The following CYP2J2 variants were observed in gnomAD, a reference collection of about 807,000 sequenced individuals.
CYP2J2 encodes the protein cytochrome P450 2J2.
Under a neutral mutation model 48.8 loss-of-function variants are expected in CYP2J2, and 41 were observed. The ratio of observed to expected loss-of-function variants is 0.84; its 90% CI spans 0.66 to 1.09. The LOEUF (loss-of-function observed/expected upper bound fraction) is 1.09, where lower values mean the gene tolerates loss of function less well. CYP2J2 is among the 50% of genes least tolerant of loss of function. The pLI is 0.00. For synonymous variants in CYP2J2, 221 were observed against 227.1 expected (o/e 0.97, Z 0.24); for missense variants, 644 against 617.3 (o/e 1.04, Z -0.46).
At position 59,907,873 on chromosome 1, in the gene CYP2J2, G is replaced by A. The variant is rs1401796941; in HGVS notation, c.916C>T (p.Leu306=). The part of the protein sequence containing the change: ...FHEENLICST[L]DLFFAGTETT... ...TCGGTTCCGGCAAAGAAGAGGTCCA[G>A]GGTGCTGCAGATGAGGTTTTCTTCA... is the stretch of plus-strand genomic sequence containing the variant. Residue 306 remains leucine, a synonymous_variant, in exon 6 of 9, where the codon CTG becomes TTG. Coordinates refer to ENST00000371204, the MANE Select transcript of CYP2J2 (RefSeq NM_000775.4). 1 of 1,613,954 alleles carries A rather than the reference G, an allele frequency of 6.2e-7. No homozygotes were observed. Among genetic ancestry groups the A allele is most frequent in the Non-Finnish European group, 8.5e-7 (1 of 1,179,958 alleles).
At chr1:59,968,387 C>T in the CYP2J2 span, among the ~76,000 whole-genome samples, 1 of 152,266 alleles carries the variant, frequency 6.6e-6, no homozygotes, top group South Asian at 2.1e-4. Flanking sequence ...CACCATTCCC[C>T]TCTTGGTCCC....
the CYP2J2 span, among the ~76,000 whole-genome samples, chr1:59,962,446 C>A: frequency 6.6e-6 from 1 of 152,074 alleles, no homozygotes; most frequent in African/African-American, 2.4e-5. Flanking sequence ...GAAAAAAATT[C>A]TTTTGGTTTA....
chr1:59,941,606 A>G, the CYP2J2 span, among the ~76,000 whole-genome samples: 1 of 152,328 alleles, frequency 6.6e-6, no homozygotes, highest in Non-Finnish European at 1.5e-5. Flanking sequence ...CACTGTTATC[A>G]TAAGAGGTGC....
chr1:59,937,763 GTTCTT>G, the CYP2J2 span, among the ~76,000 whole-genome samples: 3 of 151,600 alleles, frequency 2.0e-5, no homozygotes, highest in Non-Finnish European at 4.4e-5. Flanking sequence ...TTTATTCTTC[GTTCTT>G]TTGTTTCTTC....
At chr1:59,963,566 T>C in the CYP2J2 span, among the ~76,000 whole-genome samples, 1 of 152,196 alleles carries the variant, frequency 6.6e-6, no homozygotes, top group Non-Finnish European at 1.5e-5. Context: ...ATATACTACA[T>C]TGTGTTGGTC....
chr1:59,921,933 T>C (rs2102138138), intron 1 of CYP2J2, among the ~76,000 whole-genome samples: 1 of 152,290 alleles, frequency 6.6e-6, no homozygotes, highest in South Asian at 2.1e-4. Flanking sequence ...AATTACTTCA[T>C]CCCCATGTGA....
At chr1:59,932,000 G>C in the CYP2J2 span, among the ~76,000 whole-genome samples, 9 of 152,178 alleles carry the variant, frequency 5.9e-5, no homozygotes, top group East Asian at 1.2e-3. Context: ...TAAGGATTTA[G>C]TTTAAACATT....
chr1:59,922,687 G>A (rs1302245282), intron 1 of CYP2J2, among the ~76,000 whole-genome samples: 1 of 152,110 alleles, frequency 6.6e-6, no homozygotes, highest in Non-Finnish European at 1.5e-5. Flanking sequence ...TTGAAAAAAA[G>A]CATTCCATTT....
the CYP2J2 span, among the ~76,000 whole-genome samples, chr1:59,932,277 C>A: frequency 2.6e-5 from 4 of 152,116 alleles, no homozygotes; most frequent in East Asian, 7.7e-4. Flanking sequence ...TTTGAGATTT[C>A]ATGAAGATTT....
chr1:59,905,189 T>G lies in CYP2J2; in HGVS notation c.1004-131A>C, dbSNP rs553039023. ...CAGGTTGCAAGAAATAAAATGGTTC[T>G]TAACCTTTTGAAAGGCTTATTCAGA... On this transcript the variant is annotated intron_variant, in intron 6 of 8. Coordinates refer to ENST00000371204, the MANE Select transcript of CYP2J2 (RefSeq NM_000775.4). The G allele has an allele frequency of 2.4e-5, 22 of 926,794 alleles. No homozygotes were observed. The African/African-American group carries it at 3.8e-4, about 16-fold the overall frequency. The allele number at this position is 926,794 out of a possible 1,614,324, so 57.4% of individuals were successfully genotyped here.
intron 2 of CYP2J2, among the ~76,000 whole-genome samples, chr1:59,915,213 C>G (rs550087988): frequency 1.3e-5 from 2 of 152,130 alleles, no homozygotes; most frequent in African/African-American, 4.8e-5. Flanking sequence ...AGTCAGAGAC[C>G]GGTGCCAGTG....
Position 59,912,263 on chromosome 1 carries a change from G to A in CYP2J2, c.422C>T (p.Thr141Ile), listed in dbSNP as rs771056621. Residue 141 changes from threonine to isoleucine, a missense_variant, in exon 3 of 9, where the codon ACT (threonine) becomes ATT (isoleucine). Physicochemically the swap from Thr to Ile is moderately conservative, Grantham distance 89. Coordinates refer to ENST00000371204, the MANE Select transcript of CYP2J2 (RefSeq NM_000775.4). ...GQAWKEQRRF[T>I]LTALRNFGLG... ...ACCAAAGTTCCTTAGTGCTGTCAGA[G>A]TGAACCTTCTTTGCTCCTTCCATGC... The A allele has an allele frequency of 9.3e-6, 15 of 1,613,914 alleles. No individual in the cohort carries two copies. The South Asian group carries it at 1.3e-4, about 14-fold the overall frequency.
At chr1:59,948,469 G>T in the CYP2J2 span, among the ~76,000 whole-genome samples, 1 of 151,880 alleles carries the variant, frequency 6.6e-6, no homozygotes, top group African/African-American at 2.4e-5. Context: ...TACTACTATG[G>T]TCATAAATTA....
the CYP2J2 span, among the ~76,000 whole-genome samples, chr1:59,964,461 T>C: frequency 6.6e-6 from 1 of 152,226 alleles, no homozygotes; most frequent in South Asian, 2.1e-4. Flanking sequence ...AGGCTGCAAC[T>C]AATGGCCAGA....
the CYP2J2 span, among the ~76,000 whole-genome samples, chr1:59,966,294 T>C: frequency 6.6e-6 from 1 of 152,226 alleles, no homozygotes; most frequent in Non-Finnish European, 1.5e-5. Context: ...TCCAAAGGCC[T>C]TCCTGGCATT....
intron 8 of CYP2J2, among the ~76,000 whole-genome samples, chr1:59,898,676 T>C (rs1644291181): frequency 1.3e-5 from 2 of 152,224 alleles, no homozygotes; most frequent in African/African-American, 4.8e-5. Context: ...ACTAGAAGTA[T>C]AAAATCTTGA....
At chr1:59,922,924 C>G (rs1331228161) in intron 1 of CYP2J2, among the ~76,000 whole-genome samples, 1 of 152,184 alleles carries the variant, frequency 6.6e-6, no homozygotes, top group Admixed American at 6.5e-5. Context: ...TGTCTTTCAG[C>G]CTACTTTGCA....
At chr1:59,930,891 G>C (rs1282353437), upstream of CYP2J2, among the ~76,000 whole-genome samples, 3 of 152,042 alleles carry the variant, frequency 2.0e-5, no homozygotes, top group African/African-American at 7.2e-5. Context: ...AACACAAATT[G>C]CAAAGTTCAT....
At chr1:59,956,905 G>A in the CYP2J2 span, among the ~76,000 whole-genome samples, 1 of 152,118 alleles carries the variant, frequency 6.6e-6, no homozygotes, top group East Asian at 1.9e-4. Flanking sequence ...GCTTATCTTA[G>A]CCATAAGCCA....
Sources: allele counts gnomAD v4.1 joint callset (sites outside exome capture counted in the v4.1 genomes callset), GRCh38; gene constraint gnomAD v4.1.1; transcripts MANE v1.5; gene names NCBI Gene and HGNC (gene_info 2026-07-23, HGNC 2026-07-21).